Variants in TSEN2 observed in about 807,000 individuals in gnomAD.
TSEN2 encodes tRNA splicing endonuclease subunit 2, also known as tRNA-splicing endonuclease subunit Sen2.
In TSEN2, 54 loss-of-function variants were observed where a neutral mutation model predicts 59.2. That is an observed-to-expected ratio of 0.91 (90% CI 0.73 to 1.14). TSEN2 has a LOEUF of 1.14. Ranked by LOEUF, TSEN2 falls within the 50% of genes most tolerant of loss-of-function variation. TSEN2 has a pLI of 0.00. For synonymous variants in TSEN2, 195 were observed against 198.2 expected, an observed-to-expected ratio of 0.98 and a Z score of 0.14; for missense variants, 636 against 576.2, an observed-to-expected ratio of 1.10 and a Z score of -1.06.
intron 8 of TSEN2, among the ~76,000 whole-genome samples, chr3:12,527,881 G>A (rs1243176674): frequency 6.6e-6 from 1 of 152,076 alleles, no homozygotes; most frequent in Non-Finnish European, 1.5e-5. Context: ...AACTGGATTT[G>A]GTGAACAGTT....
Position 12,503,340 on chromosome 3 carries a change from C to T in TSEN2, c.387C>T (p.Leu129=), listed in dbSNP as rs2054490406. 6.2e-7 allele frequency: 1 copy of T among 1,614,066 alleles called. No homozygotes were observed. Among genetic ancestry groups the T allele is most frequent in the African/African-American group, 1.3e-5 (1 of 74,926 alleles). The change falls in exon 5 of 12, where the codon CTC becomes CTT. Residue 129 remains leucine (L), a synonymous_variant. Coordinates refer to ENST00000284995, the MANE Select transcript of TSEN2 (RefSeq NM_025265.4). ...ATGAGAGTACAGTGCGCAGAATCCT[C>T]AAGGATTACACGAAACCGCTTGAGC... The part of the protein sequence containing the change: ...GQDESTVRRI[L]KDYTKPLEHP...
intron 7 of TSEN2, among the ~76,000 whole-genome samples, chr3:12,517,149 CATCCTGGCT>C (rs1485284408): frequency 6.6e-5 from 10 of 151,938 alleles, no homozygotes; most frequent in South Asian, 4.2e-4. Context: ...AGATCGAGAC[CATCCTGGCT>C]ATCCTGGCTA....
chr3:12,498,893 G>T (rs1477459380), intron 4 of TSEN2, among the ~76,000 whole-genome samples: 1 of 152,124 alleles, frequency 6.6e-6, no homozygotes, highest in Non-Finnish European at 1.5e-5. Context: ...CATATTTTTA[G>T]ATTAATTTTT....
In TSEN2 at chr3:12,516,634, G is replaced by A. The variant is rs769497041; in HGVS notation, c.933G>A (p.Leu311=). The A allele has an allele frequency of 6.2e-7, 1 of 1,613,730 alleles. No homozygotes were observed. The highest frequency in any genetic ancestry group is 8.5e-7 in the Non-Finnish European group (1 of 1,179,992). The part of the protein sequence containing the change: ...LEEAFFLVYA[L]GCLSIYYEKE... Reference sequence around the variant, plus strand: ...AGGCCTTTTTCTTGGTCTATGCTCTGGGATGTTTAAGTATTTACTATGAGA... The same window carrying A: ...AGGCCTTTTTCTTGGTCTATGCTCTAGGATGTTTAAGTATTTACTATGAGA... Residue 311 remains leucine (L), a synonymous_variant, in exon 7 of 12, where the codon CTG becomes CTA. Coordinates refer to ENST00000284995, the MANE Select transcript of TSEN2 (RefSeq NM_025265.4).
chr3:12,513,420 G>C (rs1435713210), intron 6 of TSEN2, among the ~76,000 whole-genome samples: 1 of 152,196 alleles, frequency 6.6e-6, no homozygotes, highest in East Asian at 1.9e-4. Flanking sequence ...GAGGTCAGGA[G>C]TTCCAGAAAG....
intron 4 of TSEN2, among the ~76,000 whole-genome samples, chr3:12,498,903 T>C (rs186382587): frequency 6.6e-6 from 1 of 152,310 alleles, no homozygotes; most frequent in East Asian, 1.9e-4. Context: ...GATTAATTTT[T>C]CAACTTAAAT....
intron 2 of TSEN2, among the ~76,000 whole-genome samples, chr3:12,490,952 A>G (rs1450961784): frequency 6.6e-6 from 1 of 151,418 alleles, no homozygotes; most frequent in Admixed American, 6.6e-5. Context: ...AAAGTGCTGT[A>G]TGCATTATTT....
At chr3:12,484,470 C>G (rs1191867320), upstream of TSEN2, 2 of 152,288 alleles carry the variant, frequency 1.3e-5, no homozygotes, top group African/African-American at 4.8e-5. Context: ...GTGTCCGCCC[C>G]ACGGCCGGCG....
chr3:12,482,069 T>G (rs1331420212), upstream of TSEN2, among the ~76,000 whole-genome samples: 1 of 152,160 alleles, frequency 6.6e-6, no homozygotes, highest in Non-Finnish European at 1.5e-5. Flanking sequence ...GATAAAAGTG[T>G]GTATATCGAG....
chr3:12,534,780 G>T (rs138828079), downstream of TSEN2, among the ~76,000 whole-genome samples: 3 of 150,262 alleles, frequency 2.0e-5, no homozygotes, highest in Admixed American at 6.6e-5. Flanking sequence ...CTCCAGCCAG[G>T]GCGACAGAGC....
chr3:12,501,336 T>A (rs553266684), intron 4 of TSEN2, among the ~76,000 whole-genome samples: 2 of 152,356 alleles, frequency 1.3e-5, no homozygotes, highest in African/African-American at 2.4e-5. Flanking sequence ...GTAACAGGGC[T>A]GGACACAAAA....
intron 1 of TSEN2, 49 bp downstream of exon 1, chr3:12,484,929 G>A (rs1185349976): frequency 1.3e-5 from 2 of 152,250 alleles, no homozygotes; most frequent in East Asian, 3.9e-4. Flanking sequence ...CTGTTGGGGT[G>A]CGCAGTTTAT....
upstream of TSEN2, among the ~76,000 whole-genome samples, chr3:12,481,515 TG>T (rs1407549882): frequency 6.6e-6 from 1 of 152,232 alleles, no homozygotes; most frequent in African/African-American, 2.4e-5. Context: ...TTGTGCTTTT[TG>T]TTGGTGATTT....
At chr3:12,481,183 T>A (rs192590017), upstream of TSEN2, among the ~76,000 whole-genome samples, 7 of 152,362 alleles carry the variant, frequency 4.6e-5, no homozygotes, top group African/African-American at 1.2e-4. Context: ...TCTGGGCACA[T>A]TTCACCGATA....
chr3:12,506,935 C>A, intron 6 of TSEN2: 1 of 894,232 alleles, frequency 1.1e-6, no homozygotes, highest in African/African-American at 1.8e-5. Context: ...TGGCTCACAC[C>A]TGTAATCCCA....
At chr3:12,537,000 G>T (rs1461325696), downstream of TSEN2, among the ~76,000 whole-genome samples, 1 of 116,308 alleles carries the variant, frequency 8.6e-6, no homozygotes, top group South Asian at 2.3e-4. Context: ...GCAAAACTCC[G>T]TCTCAAAAAA....
intron 1 of TSEN2, among the ~76,000 whole-genome samples, chr3:12,488,380 G>C (rs547695084): frequency 8.2e-4 from 125 of 152,354 alleles, no homozygotes; most frequent in African/African-American, 2.9e-3. Context: ...TCTAGACCTA[G>C]TACTGGGGGA....
intron 8 of TSEN2, among the ~76,000 whole-genome samples, chr3:12,523,061 A>G (rs2125194077): frequency 6.6e-6 from 1 of 152,344 alleles, no homozygotes; most frequent in African/African-American, 2.4e-5. Flanking sequence ...AAGTTGCTGG[A>G]GTACTTAACA....
chr3:12,502,695 T>G (rs1300471725), intron 4 of TSEN2, among the ~76,000 whole-genome samples: 2 of 151,158 alleles, frequency 1.3e-5, no homozygotes, highest in Admixed American at 6.6e-5. Context: ...TTTTGTTTTT[T>G]TTTTTTCAAA....
Sources: allele counts gnomAD v4.1 joint callset (sites outside exome capture counted in the v4.1 genomes callset), GRCh38; gene constraint gnomAD v4.1.1; transcripts MANE v1.5; gene names NCBI Gene and HGNC (gene_info 2026-07-23, HGNC 2026-07-21).